Variants in OTOA observed in about 807,000 individuals in gnomAD.
The protein encoded by OTOA is otoancorin.
Under a neutral mutation model 110.8 loss-of-function variants are expected in OTOA, and 70 were observed. The observed-to-expected ratio is 0.63, with a 90% confidence interval of 0.52 to 0.77. The LOEUF (loss-of-function observed/expected upper bound fraction) is 0.77, where lower values mean the gene tolerates loss of function less well. Among genes scored for constraint, OTOA ranks in the 30% least tolerant of loss-of-function variants. The pLI is 0.00. For missense variants in OTOA, 917 were observed against 1,075.8 expected, an observed-to-expected ratio of 0.85 and a Z score of 2.06; for synonymous variants, 373 against 431.5, an observed-to-expected ratio of 0.86 and a Z score of 1.68.
chr16:21,716,704 G>C (rs1898564611), intron 14 of OTOA, among the ~76,000 whole-genome samples: 1 of 152,100 alleles, frequency 6.6e-6, no homozygotes, highest in Non-Finnish European at 1.5e-5. Flanking sequence ...ACTTGGGCTT[G>C]AATGTCACTT....
At chr16:21,679,917 T>A (rs906596738) in intron 5 of OTOA, among the ~76,000 whole-genome samples, 1 of 152,102 alleles carries the variant, frequency 6.6e-6, no homozygotes, top group African/African-American at 2.4e-5. Flanking sequence ...CCATTCCCTT[T>A]ACTGTTGCAT....
chr16:21,674,867 C>G (rs1276892352), intron 1 of OTOA, among the ~76,000 whole-genome samples: 1 of 119,676 alleles, frequency 8.4e-6, no homozygotes, highest in East Asian at 2.8e-4. Flanking sequence ...CTAGATGCAA[C>G]TCCTTTTTGC....
intron 13 of OTOA, among the ~76,000 whole-genome samples, chr16:21,711,732 G>T (rs1323342885): frequency 6.6e-6 from 1 of 152,146 alleles, no homozygotes; most frequent in African/African-American, 2.4e-5. Context: ...CTCCCAAAGT[G>T]CTGGGATTAC....
intron 24 of OTOA, chr16:21,747,618 T>TTCAACAGTTAA (rs1899670815): frequency 7.9e-6 from 1 of 126,346 alleles, no homozygotes; most frequent in Admixed American, 8.5e-5. Flanking sequence ...CTATTCATTT[T>TTCAACAGTTAA]TCAACAGTTA....
chr16:21,682,396 G>A (rs148197104), intron 6 of OTOA, among the ~76,000 whole-genome samples: 1 of 152,312 alleles, frequency 6.6e-6, no homozygotes, highest in African/African-American at 2.4e-5. Context: ...TACTGCAAAG[G>A]AGCCATGTAC....
chr16:21,692,928 A>AAAC (rs1491396900), intron 9 of OTOA, among the ~76,000 whole-genome samples: 2 of 2,578 alleles, frequency 7.8e-4, no homozygotes, highest in Non-Finnish European at 2.5e-3. Flanking sequence ...ACTCTGTCTC[A>AAAC]AAAAAAAAAA....
At chr16:21,734,894 T>C (rs530841747) in intron 21 of OTOA, among the ~76,000 whole-genome samples, 1 of 151,878 alleles carries the variant, frequency 6.6e-6, no homozygotes, top group East Asian at 1.9e-4. Flanking sequence ...ATCCCAGCAC[T>C]TTGGGAGGCC....
intron 9 of OTOA, 150 bp downstream of exon 9, chr16:21,691,837 G>C: frequency 1.4e-6 from 1 of 690,042 alleles, no homozygotes; most frequent in Non-Finnish European, 2.6e-6. Context: ...TGTGGCTTAT[G>C]GAGTAAAACA....
chr16:21,693,390 CA>C (rs1597815657), intron 9 of OTOA, among the ~76,000 whole-genome samples: 1 of 152,118 alleles, frequency 6.6e-6, no homozygotes, highest in African/African-American at 2.4e-5. Context: ...GTAATGTAAA[CA>C]GAATAAACTT....
At position 21,716,980 on chromosome 16, in the gene OTOA, T is replaced by C. The variant is rs145044236; in HGVS notation, c.1562T>C (p.Phe521Ser). The change falls in exon 15 of 29, where the codon TTT becomes TCT. Residue 521 changes from phenylalanine to serine, a missense_variant. Phe to Ser is a radical substitution (Grantham distance 155). Coordinates refer to ENST00000646100, the MANE Select transcript of OTOA (RefSeq NM_144672.4). ...GCTTTCTTTAAGGAAGTGTCTCTCT[T>C]TGATTTAAGGAGGCAACCTGGATTC... ...QGAFFKEVSL[F>S]DLRRQPGFNS... 82 of 1,613,942 alleles carry C rather than the reference T, an allele frequency of 5.1e-5. No homozygotes were observed. The highest frequency in any genetic ancestry group is 6.6e-5 in the Non-Finnish European group (78 of 1,180,004).
intron 21 of OTOA, 31 bp downstream of exon 21, chr16:21,730,961 A>G (rs1355733022): frequency 1.1e-5 from 13 of 1,204,252 alleles, no homozygotes; most frequent in African/African-American, 1.5e-5. Flanking sequence ...AAGAAGGCTG[A>G]AGGAGTTTGA....
At chr16:21,678,644 C>A (rs761000445) in intron 2 of OTOA, 39 bp downstream of exon 2, 1 of 1,569,262 alleles carries the variant, frequency 6.4e-7, no homozygotes. Flanking sequence ...GTGGTTTCCA[C>A]ACAGTTTAGG....
chr16:21,757,824 G>A (rs1290886214), intron 28 of OTOA, among the ~76,000 whole-genome samples: 1 of 151,962 alleles, frequency 6.6e-6, no homozygotes, highest in Non-Finnish European at 1.5e-5. Context: ...CACCATGTTG[G>A]CCAAGCTGGT....
intron 1 of OTOA, among the ~76,000 whole-genome samples, chr16:21,676,001 C>T (rs1188230689): frequency 6.6e-6 from 1 of 152,198 alleles, no homozygotes; most frequent in Non-Finnish European, 1.5e-5. Flanking sequence ...AATCATGGCT[C>T]ATTGCAGCCT....
chr16:21,670,331 T>G (rs1966847416), intron 1 of OTOA, among the ~76,000 whole-genome samples: 1 of 152,080 alleles, frequency 6.6e-6, no homozygotes, highest in Non-Finnish European at 1.5e-5. Flanking sequence ...ATGCAAATTA[T>G]GCTCCTAATA....
chr16:21,672,333 G>A (rs1567359791), intron 1 of OTOA, among the ~76,000 whole-genome samples: 3 of 151,670 alleles, frequency 2.0e-5, no homozygotes. Flanking sequence ...TTAAAAAATT[G>A]ACATATACGC....
At chr16:21,673,235 C>T (rs1038838171) in intron 1 of OTOA, among the ~76,000 whole-genome samples, 3 of 152,140 alleles carry the variant, frequency 2.0e-5, no homozygotes, top group African/African-American at 4.8e-5. Context: ...CCCAGTTTCC[C>T]CCATTGGTTA....
At chr16:21,669,086 G>A (rs1966845772) in intron 1 of OTOA, among the ~76,000 whole-genome samples, 1 of 152,052 alleles carries the variant, frequency 6.6e-6, no homozygotes, top group Non-Finnish European at 1.5e-5. Context: ...TTACATGCCT[G>A]TAATCCCAGC....
chr16:21,677,241 T>C (rs528370347), intron 1 of OTOA, among the ~76,000 whole-genome samples: 13 of 152,166 alleles, frequency 8.5e-5, no homozygotes, highest in Non-Finnish European at 1.8e-4. Context: ...GGGTATTGTA[T>C]ATTTAACTCT....
Sources: allele counts gnomAD v4.1 joint callset (sites outside exome capture counted in the v4.1 genomes callset), GRCh38; gene constraint gnomAD v4.1.1; transcripts MANE v1.5; gene names NCBI Gene and HGNC (gene_info 2026-07-23, HGNC 2026-07-21).